The following SLX4 variants were observed in gnomAD, a reference collection of about 807,000 sequenced individuals.
SLX4 encodes the protein SLX4 structure-specific endonuclease subunit.
In SLX4, 112 loss-of-function variants were observed where a neutral mutation model predicts 146.2. That is an observed-to-expected ratio of 0.77 (90% CI 0.66 to 0.90). The LOEUF is 0.90. SLX4 is among the 40% of genes least tolerant of loss of function. SLX4 has a pLI of 0.00. For synonymous variants in SLX4, 1,061 were observed against 997.7 expected (o/e 1.06, Z -1.20); for missense variants, 2,563 against 2,392.7 (o/e 1.07, Z -1.49).
In SLX4 at chr16:3,608,823, C is replaced by T. The variant is rs2151139792; in HGVS notation, c.142G>A (p.Asp48Asn). Residue 48 changes from aspartate to asparagine, a missense_variant, in exon 2 of 15, where the codon GAT (aspartate) becomes AAT (asparagine). Physicochemically the swap from Asp to Asn is conservative, Grantham distance 23. Coordinates refer to ENST00000294008, the MANE Select transcript of SLX4 (RefSeq NM_032444.4). Reference protein sequence around the residue: ...LKTGQMMDESDEDFKELCASF... With the variant: ...LKTGQMMDESNEDFKELCASF... Reference sequence around the variant, plus strand: ...GCGCAGAGTTCTTTAAAGTCCTCATCAGACTCATCCATCATCTGACCAGTT... The same window carrying T: ...GCGCAGAGTTCTTTAAAGTCCTCATTAGACTCATCCATCATCTGACCAGTT... The T allele has an allele frequency of 6.2e-7, 1 of 1,614,154 alleles. No individual in the cohort carries two copies. Among genetic ancestry groups the T allele is most frequent in the Non-Finnish European group, 8.5e-7 (1 of 1,180,040 alleles).
Position 3,597,336 on chromosome 16 carries a change from C to A in SLX4, c.1683+43G>T. 6.8e-7 allele frequency: 1 copy of A among 1,475,924 alleles called. No individual in the cohort carries two copies. Among genetic ancestry groups the A allele is most frequent in the Non-Finnish European group, 9.0e-7 (1 of 1,109,772 alleles). 91.4% of individuals were successfully genotyped at this position (1,475,924 alleles called of 1,614,324 possible). ...GTGTTGCAGTTCTGGGATTGCCAAC[C>A]TCCCCCAAAAGCCTATCCATGTGCC... On this transcript the variant is annotated intron_variant, in intron 7 of 14. Coordinates refer to ENST00000294008, the MANE Select transcript of SLX4 (RefSeq NM_032444.4). The surrounding 1 kb of genome is among the most constrained non-coding windows in gnomAD (Gnocchi z 4.4).
rs765606980 is a variant in SLX4, at chr16:3,602,099, C to T, written c.950+19G>A. ...CTGGTCACATACACGGGAGAGGCGA[C>T]GGCCCAAGCTGCCCCCACCTGTTCA... On this transcript the variant is annotated intron_variant, in intron 4 of 14. Coordinates refer to ENST00000294008, the MANE Select transcript of SLX4 (RefSeq NM_032444.4). 199 of 1,613,762 alleles carry T rather than the reference C, an allele frequency of 1.2e-4. No homozygotes were observed. Among genetic ancestry groups the T allele is most frequent in the African/African-American group, 1.9e-4 (14 of 74,902 alleles).
chr16:3,581,980 T>G lies in SLX4; in HGVS notation c.*362A>C. 1 of 292,470 alleles carries G rather than the reference T, an allele frequency of 3.4e-6. No homozygotes were observed. The highest frequency in any genetic ancestry group is 6.5e-6 in the Non-Finnish European group (1 of 153,772). The allele number at this position is 292,470 out of a possible 1,614,324, so 18.1% of individuals were successfully genotyped here. On this transcript the variant is annotated 3_prime_UTR_variant, in exon 15 of 15. Coordinates refer to ENST00000294008, the MANE Select transcript of SLX4 (RefSeq NM_032444.4). ...ATTGCTTGAACCCGGGAGGCGGAGG[T>G]TGCAGTGAGCCGAGATTGTGCCACT...
chr16:3,610,999 T>C (rs901193271), intron 1 of SLX4, among the ~76,000 whole-genome samples: 8 of 150,928 alleles, frequency 5.3e-5, no homozygotes, highest in African/African-American at 1.2e-4. Context: ...TCTCTGTTGA[T>C]ATGAACCTCA....
chr16:3,583,092 G>A lies in SLX4; in HGVS notation c.5153+5C>T. The A allele has an allele frequency of 6.2e-7, 1 of 1,614,208 alleles. No homozygotes were observed. Among genetic ancestry groups the A allele is most frequent in the Non-Finnish European group, 8.5e-7 (1 of 1,180,022 alleles). ...CCACTGACCCCATCGCATCCATCCG[G>A]TTACCTCTGTGAGCTCAAGGAGCTG... On this transcript the variant is annotated splice_donor_5th_base_variant and intron_variant, in intron 14 of 14. Transcript: ENST00000294008.
Position 3,602,100 on chromosome 16 carries a change from G to A in SLX4, c.950+18C>T, listed in dbSNP as rs780342799. 2.4e-5 allele frequency: 38 copies of A among 1,613,830 alleles called. No individual in the cohort carries two copies. Among genetic ancestry groups the A allele is most frequent in the Non-Finnish European group, 3.0e-5 (35 of 1,180,000 alleles). ...TGGTCACATACACGGGAGAGGCGAC[G>A]GCCCAAGCTGCCCCCACCTGTTCAC... On this transcript the variant is annotated intron_variant, in intron 4 of 14. Transcript: ENST00000294008.
chr16:3,607,118 GTTC>G (rs1337468008), intron 2 of SLX4, among the ~76,000 whole-genome samples: 1 of 152,170 alleles, frequency 6.6e-6, no homozygotes, highest in East Asian at 1.9e-4. Flanking sequence ...TCCTAGATCA[GTTC>G]TTCTTTAACT....
At position 3,595,661 on chromosome 16, in the gene SLX4, T is replaced by C; in HGVS notation, c.1957A>G (p.Thr653Ala). Reference sequence around the variant, plus strand: ...TCCTGCGATGGCACCACAAACCCAGTCAGAGGAAGGCCGCCGGGCACCACG... The same window carrying C: ...TCCTGCGATGGCACCACAAACCCAGCCAGAGGAAGGCCGCCGGGCACCACG... The part of the protein sequence containing the change: ...LDVVPGGLPL[T>A]GFVVPSQDKH... Residue 653 changes from threonine to alanine, a missense_variant, in exon 9 of 15, where the codon ACT becomes GCT. By Grantham distance (58) the Thr-to-Ala change is moderately conservative. Coordinates refer to ENST00000294008, the MANE Select transcript of SLX4 (RefSeq NM_032444.4). The C allele has an allele frequency of 6.2e-7, 1 of 1,613,900 alleles. No homozygotes were observed. The highest frequency in any genetic ancestry group is 2.2e-5 in the East Asian group (1 of 44,852).
chr16:3,590,147 T>C lies in SLX4; in HGVS notation c.3491A>G (p.Glu1164Gly). The C allele has an allele frequency of 6.2e-7, 1 of 1,614,172 alleles. No individual in the cohort carries two copies. The highest frequency in any genetic ancestry group is 8.5e-7 in the Non-Finnish European group (1 of 1,180,028). Residue 1164 changes from glutamate (E) to glycine (G), a missense_variant, in exon 12 of 15, where the codon GAA becomes GGA. Physicochemically the swap from Glu to Gly is moderately conservative, Grantham distance 98. Transcript: ENST00000294008. The surrounding 1 kb of genome is among the most constrained non-coding windows in gnomAD (Gnocchi z 4.8). ...AGAAATGGACTTCATTTTGGTTTGT[T>C]CTAGCTCCAGCTCCTCATCCGAGTC... ...LLDSDEELEL[E>G]QTKMKSISSD... is the part of the protein sequence containing the mutation.
chr16:3,599,470 C>G (rs1342889682), intron 5 of SLX4, among the ~76,000 whole-genome samples: 1 of 152,262 alleles, frequency 6.6e-6, no homozygotes, highest in African/African-American at 2.4e-5. Flanking sequence ...GGTTTGCATG[C>G]TGAGGACTTG....
At position 3,582,550 on chromosome 16, in the gene SLX4, A is replaced by G. The variant is rs1403044452; in HGVS notation, c.5297T>C (p.Leu1766Pro). Residue 1766 changes from leucine (L) to proline (P), a missense_variant, in exon 15 of 15, where the codon CTG (leucine) becomes CCG (proline). Leu to Pro is a moderately conservative substitution (Grantham distance 98, BLOSUM62 -3). Coordinates refer to ENST00000294008, the MANE Select transcript of SLX4 (RefSeq NM_032444.4). ...CTGGTACAGCAGCACCTTCTGGTAC[A>G]GGGCCGGCTTGGAGCGGATGTAGCA... is the stretch of plus-strand genomic sequence containing the variant. The part of the protein sequence containing the change: ...LRCYIRSKPA[L>P]YQKVLLYQPF... 1 of 1,613,936 alleles carries G rather than the reference A, an allele frequency of 6.2e-7. No individual in the cohort carries two copies. The highest frequency in any genetic ancestry group is 1.7e-5 in the Admixed American group (1 of 60,022).
At chr16:3,582,736 C>G (rs891497679) in intron 14 of SLX4, 43 bp from the exon 15 acceptor site, 1 of 1,547,656 alleles carries the variant, frequency 6.5e-7, no homozygotes, top group Non-Finnish European at 8.8e-7. Flanking sequence ...CCCTTTCTCT[C>G]CAGCCCCTGA....
intron 3 of SLX4, among the ~76,000 whole-genome samples, chr16:3,604,561 G>C (rs999426490): frequency 6.6e-6 from 1 of 152,010 alleles, no homozygotes; most frequent in Non-Finnish European, 1.5e-5. Context: ...GGTGGCTCAC[G>C]TCTGTAATCC....
chr16:3,592,240 C>A (rs1323288179), intron 11 of SLX4, among the ~76,000 whole-genome samples: 1 of 152,260 alleles, frequency 6.6e-6, no homozygotes, highest in Non-Finnish European at 1.5e-5. Context: ...CTCTGAGCTG[C>A]TGCCTCTCTC....
intron 3 of SLX4, among the ~76,000 whole-genome samples, chr16:3,605,833 G>T (rs951790899): frequency 1.3e-5 from 2 of 151,126 alleles, no homozygotes; most frequent in Admixed American, 1.3e-4. Context: ...TGTAGTCCCA[G>T]CTACTCGGGA....
chr16:3,610,390 ATC>A (rs1449144423), intron 1 of SLX4, among the ~76,000 whole-genome samples: 2 of 152,182 alleles, frequency 1.3e-5, no homozygotes, highest in African/African-American at 4.8e-5. Context: ...TCACAATGGC[ATC>A]TGTCATAGGT....
chr16:3,608,482 C>G lies in SLX4; in HGVS notation c.483G>C (p.Gln161His), dbSNP rs1373215487. 6.2e-7 allele frequency: 1 copy of G among 1,614,200 alleles called. No homozygotes were observed. Among genetic ancestry groups the G allele is most frequent in the South Asian group, 1.1e-5 (1 of 91,088 alleles). ...GCGATGGTTCTTGCTGGTTACCCGT[C>G]TGGGTGTTTTGTGCTGTTTCCCGGA... Reference protein sequence around the residue: ...PVLRETAQNTQTGNQQEPSPN... With the variant: ...PVLRETAQNTHTGNQQEPSPN... The change falls in exon 2 of 15, where the codon CAG becomes CAC. Residue 161 changes from glutamine (Q) to histidine (H), a missense_variant. Physicochemically the swap from Gln to His is conservative, Grantham distance 24 (BLOSUM62 0). Coordinates refer to ENST00000294008, the MANE Select transcript of SLX4 (RefSeq NM_032444.4).
Position 3,587,594 on chromosome 16 carries a change from G to A in SLX4, c.4636+1408C>T, listed in dbSNP as rs543330528. 1.1e-4 allele frequency among the ~76,000 whole-genome samples: 16 copies of A among 152,302 alleles called. No homozygotes were observed. The East Asian group carries it at 2.9e-3, about 28-fold the overall frequency. On this transcript the variant is annotated intron_variant, in intron 12 of 14. Transcript: ENST00000294008. Reference sequence around the variant, plus strand: ...GAAAAGCACGATTCTTCCTGTGGCCGCAGCGTCGTCCTGAAGCCCACCTCA... The same window carrying A: ...GAAAAGCACGATTCTTCCTGTGGCCACAGCGTCGTCCTGAAGCCCACCTCA...
intron 9 of SLX4, among the ~76,000 whole-genome samples, chr16:3,595,083 A>C (rs1485940205): frequency 2.6e-5 from 4 of 152,096 alleles, no homozygotes; most frequent in Non-Finnish European, 4.4e-5. Context: ...CTGACATGCA[A>C]ATGGGAGGAG....
Sources: allele counts gnomAD v4.1 joint callset (sites outside exome capture counted in the v4.1 genomes callset), GRCh38; gene constraint gnomAD v4.1.1; non-coding constraint Gnocchi (gnomAD v3.1); transcripts MANE v1.5; gene names NCBI Gene and HGNC (gene_info 2026-07-23, HGNC 2026-07-21).